The following DAAM1 variants were observed in gnomAD, a reference collection of about 807,000 sequenced individuals.
DAAM1 encodes dishevelled associated activator of morphogenesis 1.
DAAM1 carries 52 observed loss-of-function variants against 130.0 expected under a neutral mutation model. The observed-to-expected ratio is 0.40, with a 90% CI of 0.32 to 0.50. The LOEUF (loss-of-function observed/expected upper bound fraction) is 0.50. DAAM1 is among the 20% of genes least tolerant of loss of function. The pLI, the probability that DAAM1 is intolerant of heterozygous loss-of-function variation, is 0.61. For synonymous variants in DAAM1, 452 were observed against 444.5 expected (o/e 1.02, Z -0.21); for missense variants, 1,134 against 1,303.8 (o/e 0.87, Z 2.01).
intron 2 of DAAM1, among the ~76,000 whole-genome samples, chr14:59,282,523 T>C (rs940041081): frequency 3.9e-5 from 6 of 152,152 alleles, no homozygotes; most frequent in African/African-American, 1.4e-4. Flanking sequence ...CTCTTTTTGC[T>C]AAGAGACACT....
intron 17 of DAAM1, 57 bp downstream of exon 17, chr14:59,347,680 G>A: frequency 1.3e-6 from 2 of 1,532,716 alleles, no homozygotes; most frequent in East Asian, 4.6e-5. Context: ...AACAGGGAGA[G>A]GGATGTTGAG....
chr14:59,321,412 C>G (rs1885004499), intron 5 of DAAM1, among the ~76,000 whole-genome samples: 1 of 152,208 alleles, frequency 6.6e-6, no homozygotes, highest in African/African-American at 2.4e-5. Flanking sequence ...GAATTGTACA[C>G]TTTAAAAGGG....
chr14:59,283,399 C>T lies in DAAM1; in HGVS notation c.184-7818C>T, dbSNP rs150864491. Among the ~76,000 whole-genome samples, 313 of 152,286 alleles carry T rather than the reference C, an allele frequency of 2.1e-3. 1 individual carries two copies. Among genetic ancestry groups the T allele is most frequent in the African/African-American group, 7.0e-3 (293 of 41,562 alleles). ...TATGCCAAAATTCTAACATTTTAAACATGTTCCCTCATAATGGAATTTTCT... is the reference window on the plus strand; with the variant it reads ...TATGCCAAAATTCTAACATTTTAAATATGTTCCCTCATAATGGAATTTTCT... On this transcript the variant is annotated intron_variant, in intron 2 of 24. Coordinates refer to ENST00000360909, the MANE Select transcript of DAAM1 (RefSeq NM_001270520.2).
chr14:59,355,454 T>A, intron 20 of DAAM1, 121 bp downstream of exon 20: 2 of 1,217,316 alleles, frequency 1.6e-6, no homozygotes, highest in South Asian at 3.1e-5. Flanking sequence ...AACTTCTCTT[T>A]CTCACTACTT....
chr14:59,363,687 G>A lies in DAAM1; in HGVS notation c.2731G>A (p.Gly911Arg), dbSNP rs151000937. 4.3e-5 allele frequency: 70 copies of A among 1,613,952 alleles called. No individual in the cohort carries two copies. The highest frequency in any genetic ancestry group is 6.7e-5 in the East Asian group (3 of 44,894). The change falls in exon 23 of 25, where the codon GGA (glycine) becomes AGA (arginine). Residue 911 changes from glycine to arginine, a missense_variant. Gly to Arg is a moderately radical substitution (Grantham distance 125, BLOSUM62 -2). This residue lies in a region of DAAM1 where 644 missense variants were observed against 695.9 expected (regional missense o/e 0.93). Transcript: ENST00000360909. ...EYQKSQPPQP[G>R]DKFVSVVSQF... ...TCAGAAGTCTCAGCCCCCACAGCCCGGAGATAAGTTTGTGTCTGTTGTCAG... is the reference window on the plus strand; with the variant it reads ...TCAGAAGTCTCAGCCCCCACAGCCCAGAGATAAGTTTGTGTCTGTTGTCAG...
intron 12 of DAAM1, among the ~76,000 whole-genome samples, chr14:59,329,877 T>C (rs1441651336): frequency 6.6e-6 from 1 of 152,222 alleles, no homozygotes; most frequent in Admixed American, 6.5e-5. Flanking sequence ...AATACTGAGA[T>C]GATAACATTT....
intron 1 of DAAM1, among the ~76,000 whole-genome samples, chr14:59,203,739 T>G (rs1395219528): frequency 2.0e-5 from 3 of 152,258 alleles, no homozygotes; most frequent in Non-Finnish European, 4.4e-5. Flanking sequence ...ACTTTATACC[T>G]GCTGTGATGA....
rs181182550 is a variant in DAAM1 at position 59,330,057 on chromosome 14, G to A, written c.1373-444G>A. On this transcript the variant is annotated intron_variant, in intron 12 of 24. Transcript: ENST00000360909. The stretch of plus-strand genomic sequence containing the variant: ...CAGCCCTTCGGCTGGTTGGATGTGA[G>A]CTGGCAAACCTAATTCATAAAAGCT... 2.3e-3 allele frequency among the ~76,000 whole-genome samples: 347 copies of A among 152,328 alleles called. 1 individual carries two copies. The highest frequency in any genetic ancestry group is 7.8e-3 in the African/African-American group (326 of 41,556).
intron 17 of DAAM1, among the ~76,000 whole-genome samples, chr14:59,349,175 C>G (rs4901916): frequency 0.38 from 57,681 of 152,140 alleles, 13,456 homozygotes; most frequent in East Asian, 0.84. Context: ...CGAGTTGCTG[C>G]ACCCAATGTG....
chr14:59,325,876 C>T, intron 9 of DAAM1, 84 bp from the exon 10 acceptor site: 1 of 1,525,170 alleles, frequency 6.6e-7, no homozygotes, highest in Non-Finnish European at 9.1e-7. Flanking sequence ...GCAGGATTAG[C>T]TTCTGTTTGC....
At chr14:59,286,497 T>C (rs764924996) in intron 2 of DAAM1, among the ~76,000 whole-genome samples, 3 of 152,094 alleles carry the variant, frequency 2.0e-5, no homozygotes, top group Non-Finnish European at 4.4e-5. Flanking sequence ...AATTTAATCT[T>C]TCTTGGAAAG....
chr14:59,345,690 C>A (rs12896930), intron 16 of DAAM1, among the ~76,000 whole-genome samples: 1 of 151,946 alleles, frequency 6.6e-6, no homozygotes, highest in Admixed American at 6.6e-5. Flanking sequence ...GTTGTTCAGC[C>A]CTCACCTTCA....
At chr14:59,299,427 G>A (rs1468242558) in intron 3 of DAAM1, among the ~76,000 whole-genome samples, 1 of 152,154 alleles carries the variant, frequency 6.6e-6, no homozygotes, top group Non-Finnish European at 1.5e-5. Flanking sequence ...TTATCAGAGA[G>A]CTTGGAGGCA....
At position 59,363,710 on chromosome 14, in the gene DAAM1, C is replaced by A; in HGVS notation, c.2754C>A (p.Val918=). The change falls in exon 23 of 25, where the codon GTC becomes GTA. Residue 918 remains valine (V), a synonymous_variant. Coordinates refer to ENST00000360909, the MANE Select transcript of DAAM1 (RefSeq NM_001270520.2). ...CCGGAGATAAGTTTGTGTCTGTTGT[C>A]AGCCAGTTCATCACAGTAGCCAGCT... is the stretch of plus-strand genomic sequence containing the variant. ...PQPGDKFVSV[V]SQFITVASFS... The A allele has an allele frequency of 6.2e-7, 1 of 1,614,122 alleles. No individual in the cohort carries two copies. The highest frequency in any genetic ancestry group is 1.1e-5 in the South Asian group (1 of 91,082).
At chr14:59,303,389 T>C (rs12887737) in intron 3 of DAAM1, among the ~76,000 whole-genome samples, 93,938 of 152,046 alleles carry the variant, frequency 0.62, 30,086 homozygotes, top group East Asian at 0.9. Flanking sequence ...AGTGGTCCCC[T>C]GAGGGACATA....
chr14:59,339,970 G>A (rs904132943), intron 15 of DAAM1, 104 bp from the exon 16 acceptor site: 9 of 909,328 alleles, frequency 9.9e-6, no homozygotes, highest in African/African-American at 3.3e-5. Flanking sequence ...ATGTGTATAC[G>A]AGTGTGTGTA....
At chr14:59,291,501 CT>C in intron 3 of DAAM1, 195 bp downstream of exon 3, 1 of 535,662 alleles carries the variant, frequency 1.9e-6, no homozygotes, top group Non-Finnish European at 3.3e-6. Flanking sequence ...TCATTGGGCT[CT>C]TTTCCACCTG....
At position 59,263,643 on chromosome 14, in the gene DAAM1, A is replaced by G. The variant is rs1257466580; in HGVS notation, c.166A>G (p.Met56Val). ...PMPPVEELDVMFSELVDELDL... is the reference protein window; with the variant it reads ...PMPPVEELDVVFSELVDELDL... ...GCCCCCTGTGGAGGAGCTGGATGTC[A>G]TGTTCAGTGAACTGGTGGTGAGTCC... Residue 56 changes from methionine to valine, a missense_variant, in exon 2 of 25, where the codon ATG becomes GTG. Physicochemically the swap from Met to Val is conservative, Grantham distance 21. Coordinates refer to ENST00000360909, the MANE Select transcript of DAAM1 (RefSeq NM_001270520.2). The G allele has an allele frequency of 2.5e-6, 4 of 1,614,046 alleles. No individual in the cohort carries two copies. The highest frequency in any genetic ancestry group is 2.2e-5 in the South Asian group (2 of 91,092).
At chr14:59,221,139 T>C (rs896462898) in intron 1 of DAAM1, among the ~76,000 whole-genome samples, 11 of 152,230 alleles carry the variant, frequency 7.2e-5, no homozygotes, top group African/African-American at 2.4e-4. Flanking sequence ...TGTGTACAAC[T>C]GAAAGTGCAC....
Sources: gnomAD v4.1 joint callset for allele counts (sites outside exome capture counted in the v4.1 genomes callset) on GRCh38, gnomAD v4.1.1 for gene constraint, gnomAD v4.1.1 regional missense constraint, MANE v1.5 for transcripts, NCBI Gene and HGNC (gene_info 2026-07-23, HGNC 2026-07-21) for gene names.